The following COXFA4L2 variants were observed in gnomAD, a reference collection of about 807,000 sequenced individuals.
The protein encoded by COXFA4L2 is cytochrome c oxidase hypoxia associated subunit FA4L2, also known as NADH dehydrogenase (ubiquinone) 1 alpha subcomplex, 4-like 2.
At chr12:57,235,618 A>G in the COXFA4L2 span, 1 of 1,614,106 alleles carries the variant, frequency 6.2e-7, no homozygotes, top group Non-Finnish European at 8.5e-7. Flanking sequence ...AACTGCAAGG[A>G]ACTAAGAGGA....
chr12:57,235,226 T>C, the COXFA4L2 span: 16 of 363,140 alleles, frequency 4.4e-5, no homozygotes, highest in Non-Finnish European at 7.2e-5. Flanking sequence ...TTGGCTCACG[T>C]AGGCCACGCT....
the COXFA4L2 span, chr12:57,236,177 G>A: frequency 3.0e-6 from 1 of 329,120 alleles, no homozygotes; most frequent in Admixed American, 4.5e-5. Context: ...AAAGCCATGG[G>A]TGCGCCTTTC....
the COXFA4L2 span, chr12:57,236,359 GGGA>G: frequency 2.0e-6 from 1 of 492,358 alleles, no homozygotes; most frequent in Non-Finnish European, 3.6e-6. Flanking sequence ...CAACCCGGCC[GGGA>G]GAGGCGCGGG....
chr12:57,240,004 ACATGCCCGT>A, the COXFA4L2 span: 1 of 152,094 alleles, frequency 6.6e-6, no homozygotes, highest in African/African-American at 2.4e-5. Context: ...GGTCACCTCC[ACATGCCCGT>A]CAACTCCGCG....
the COXFA4L2 span, chr12:57,236,440 C>T: frequency 1.6e-6 from 1 of 611,624 alleles, no homozygotes; most frequent in Non-Finnish European, 2.7e-6. Context: ...ATACGGGGGT[C>T]TCCCAGGTCA....
the COXFA4L2 span, among the ~76,000 whole-genome samples, chr12:57,239,016 A>C: frequency 6.6e-6 from 1 of 152,074 alleles, no homozygotes; most frequent in African/African-American, 2.4e-5. This position sits in a 1 kb window ranked among gnomAD's most constrained non-coding sequence, Gnocchi z 5.5. Context: ...CTTTCCCACC[A>C]CGAGGACTCA....
the COXFA4L2 span, chr12:57,236,205 G>A: frequency 3.1e-6 from 1 of 322,866 alleles, no homozygotes; most frequent in Admixed American, 4.7e-5. Context: ...GACCCTCTCC[G>A]CGGCCGGGTG....
the COXFA4L2 span, chr12:57,235,497 G>GAGGAGTGGA: frequency 2.2e-5 from 34 of 1,537,304 alleles, no homozygotes; most frequent in African/African-American, 2.7e-4. Context: ...GGCCTGCGGG[G>GAGGAGTGGA]AGGAGTGGAA....
At chr12:57,236,666 C>G in the COXFA4L2 span, 1 of 1,569,918 alleles carries the variant, frequency 6.4e-7, no homozygotes, top group Non-Finnish European at 8.6e-7. Context: ...CAGATTAAGC[C>G]GATCATCGGG....
At chr12:57,235,717 T>G in the COXFA4L2 span, 1 of 1,611,176 alleles carries the variant, frequency 6.2e-7, no homozygotes. Flanking sequence ...GATAAGAGGA[T>G]GGGGGGCAAC....
the COXFA4L2 span, chr12:57,235,775 G>A: frequency 2.7e-5 from 42 of 1,578,732 alleles, no homozygotes; most frequent in Middle Eastern, 5.1e-4. Flanking sequence ...GGGCTCAGGC[G>A]GTTCCAGGGC....
the COXFA4L2 span, among the ~76,000 whole-genome samples, chr12:57,238,126 C>A: frequency 6.6e-6 from 1 of 152,176 alleles, no homozygotes; most frequent in Admixed American, 6.5e-5. The surrounding 1 kb of genome is among the most constrained non-coding windows in gnomAD (Gnocchi z 6.8). Context: ...GCCGATCCTG[C>A]AGAGCACCTC....
the COXFA4L2 span, chr12:57,237,157 G>T: frequency 6.2e-7 from 1 of 1,613,710 alleles, no homozygotes; most frequent in Non-Finnish European, 8.5e-7. Context: ...CCGCCCCTGA[G>T]TGGGGAGGGA....
the COXFA4L2 span, among the ~76,000 whole-genome samples, chr12:57,238,622 G>A: frequency 1.3e-5 from 2 of 152,302 alleles, no homozygotes; most frequent in South Asian, 4.2e-4. This position sits in a 1 kb window ranked among gnomAD's most constrained non-coding sequence, Gnocchi z 6.8. Flanking sequence ...TGGCACAGCT[G>A]GGGAGCCAGG....
At chr12:57,236,204 CGCG>C in the COXFA4L2 span, 1 of 325,532 alleles carries the variant, frequency 3.1e-6, no homozygotes, top group Non-Finnish European at 5.6e-6. Context: ...GGACCCTCTC[CGCG>C]GCCGGGTGTG....
At chr12:57,235,423 C>G in the COXFA4L2 span, 38 of 914,496 alleles carry the variant, frequency 4.2e-5, no homozygotes, top group African/African-American at 5.7e-4. Context: ...GCAGCCTCCC[C>G]TCTGCGTGGG....
the COXFA4L2 span, chr12:57,236,174 T>C: frequency 6.4e-5 from 21 of 326,786 alleles, no homozygotes; most frequent in Non-Finnish European, 1.1e-4. Flanking sequence ...TATAAAGCCA[T>C]GGGTGCGCCT....
At chr12:57,235,596 A>T in the COXFA4L2 span, 1 of 1,614,116 alleles carries the variant, frequency 6.2e-7, no homozygotes, top group African/African-American at 1.3e-5. Context: ...TCAGCTTCTT[A>T]TAGTCAGTGG....
At chr12:57,238,997 C>T in the COXFA4L2 span, among the ~76,000 whole-genome samples, 1 of 152,234 alleles carries the variant, frequency 6.6e-6, no homozygotes, top group Non-Finnish European at 1.5e-5. The surrounding 1 kb of genome is among the most constrained non-coding windows in gnomAD (Gnocchi z 6.8). Flanking sequence ...TCTCTCCTCG[C>T]TCCCCACACT....
Sources: allele counts gnomAD v4.1 joint callset (sites outside exome capture counted in the v4.1 genomes callset), GRCh38; gene constraint gnomAD v4.1.1; non-coding constraint Gnocchi (gnomAD v3.1); transcripts MANE v1.5; gene names NCBI Gene and HGNC (gene_info 2026-07-23, HGNC 2026-07-21).